CCDC90B: variants seen among roughly 807,000 people sequenced by gnomAD.
CCDC90B encodes the protein coiled-coil domain containing 90B.
Under a neutral mutation model 37.0 loss-of-function variants are expected in CCDC90B, and 24 were observed. The ratio of observed to expected loss-of-function variants is 0.65; its 90% CI spans 0.47 to 0.91. The LOEUF is 0.91. Among genes scored for constraint, CCDC90B ranks in the 40% least tolerant of loss-of-function variants. CCDC90B has a pLI of 0.00. For missense variants in CCDC90B, 319 were observed against 299.0 expected, an observed-to-expected ratio of 1.07 and a Z score of -0.49; for synonymous variants, 113 against 101.1, an observed-to-expected ratio of 1.12 and a Z score of -0.71.
At chr11:83,263,392 A>G (rs1485759549) in intron 8 of CCDC90B, among the ~76,000 whole-genome samples, 1 of 152,194 alleles carries the variant, frequency 6.6e-6, no homozygotes, top group East Asian at 1.9e-4. Context: ...AGTAACAACA[A>G]CAATTGGAGC....
At chr11:83,268,886 TA>T (rs200890592) in intron 7 of CCDC90B, among the ~76,000 whole-genome samples, 1,781 of 152,244 alleles carry the variant, frequency 0.012, 18 homozygotes, top group Middle Eastern at 0.031. Context: ...TCAGCAAATG[TA>T]AAAGAACAGA....
At chr11:83,270,018 C>T (rs189033933) in intron 7 of CCDC90B, among the ~76,000 whole-genome samples, 205 of 152,150 alleles carry the variant, frequency 1.3e-3, no homozygotes, top group Non-Finnish European at 2.4e-3. Flanking sequence ...AATCAATAAA[C>T]GTAATCCATC....
At chr11:83,278,381 T>C (rs929218082) in intron 3 of CCDC90B, among the ~76,000 whole-genome samples, 1 of 152,210 alleles carries the variant, frequency 6.6e-6, no homozygotes, top group Non-Finnish European at 1.5e-5. Context: ...AGCAATAAAA[T>C]ATACTGAATA....
chr11:83,286,158 A>C lies in CCDC90B; in HGVS notation c.-186T>G. 12 of 1,536,138 alleles carry C rather than the reference A, an allele frequency of 7.8e-6. No homozygotes were observed. Among genetic ancestry groups the C allele is most frequent in the Non-Finnish European group, 1.0e-5 (12 of 1,146,870 alleles). On this transcript the variant is annotated 5_prime_UTR_variant, in exon 1 of 9. Coordinates refer to ENST00000529689, the MANE Select transcript of CCDC90B (RefSeq NM_021825.5). ...ACTGGGTCTCTTCACAGACAGACCC[A>C]CAGTTCGCGAGCATGGCTCAGCGCT...
intron 3 of CCDC90B, 22 bp downstream of exon 3, chr11:83,278,704 G>C: frequency 7.1e-7 from 1 of 1,408,004 alleles, no homozygotes; most frequent in Non-Finnish European, 1.0e-6. Context: ...AGTATCAGAA[G>C]TGATAGTAAT....
At position 83,286,123 on chromosome 11, in the gene CCDC90B, G is replaced by T. The variant is rs1245368134; in HGVS notation, c.-151C>A. ...ACCTCCCAGCGCAGGCGCCACCGTG[G>T]TCCCACGAAACTGGGTCTCTTCACA... On this transcript the variant is annotated 5_prime_UTR_variant, in exon 1 of 9. Transcript: ENST00000529689. 2 of 1,536,326 alleles carry T rather than the reference G, an allele frequency of 1.3e-6. No homozygotes were observed. The highest frequency in any genetic ancestry group is 1.7e-6 in the Non-Finnish European group (2 of 1,146,914).
chr11:83,263,108 AACAC>A lies in CCDC90B; in HGVS notation c.710-1146_710-1143del, dbSNP rs543058664. ...GCCATTTTTTTTCTCTTAATAAAAA[AACAC>A]ACACACAAAATTTGTGATCCTTATT... On this transcript the variant is annotated intron_variant, in intron 8 of 8. Coordinates refer to ENST00000529689, the MANE Select transcript of CCDC90B (RefSeq NM_021825.5). 2.8e-3 allele frequency among the ~76,000 whole-genome samples: 422 copies of A among 152,304 alleles called. 2 individuals carry two copies. The highest frequency in any genetic ancestry group is 9.4e-3 in the African/African-American group (392 of 41,574).
intron 8 of CCDC90B, among the ~76,000 whole-genome samples, chr11:83,262,405 T>C (rs569524473): frequency 5.3e-5 from 8 of 152,276 alleles, no homozygotes; most frequent in East Asian, 1.9e-4. Flanking sequence ...TTTCTCATAA[T>C]TCTTAATAAA....
intron 3 of CCDC90B, among the ~76,000 whole-genome samples, chr11:83,276,629 C>T (rs1333377022): frequency 6.6e-5 from 10 of 152,160 alleles, no homozygotes; most frequent in Admixed American, 4.6e-4. Flanking sequence ...GGATTACAGG[C>T]GTGAGCCACC....
chr11:83,264,114 T>C (rs556658089), intron 8 of CCDC90B, among the ~76,000 whole-genome samples: 1 of 152,320 alleles, frequency 6.6e-6, no homozygotes, highest in Non-Finnish European at 1.5e-5. Context: ...GTATGTGTAT[T>C]TACTCAAACG....
At chr11:83,285,830 C>T (rs1865652308) in intron 1 of CCDC90B, 43 bp downstream of exon 1, 1 of 1,580,984 alleles carries the variant, frequency 6.3e-7, no homozygotes, top group Non-Finnish European at 8.6e-7. Context: ...CATCGTCTCC[C>T]TAGAGAGCAC....
At chr11:83,281,391 T>C (rs746490772) in intron 1 of CCDC90B, among the ~76,000 whole-genome samples, 5 of 152,152 alleles carry the variant, frequency 3.3e-5, no homozygotes, top group Admixed American at 6.5e-5. Context: ...CTCACTGATT[T>C]TATGGACTAG....
At chr11:83,276,231 A>G (rs1865018088) in intron 3 of CCDC90B, among the ~76,000 whole-genome samples, 1 of 152,168 alleles carries the variant, frequency 6.6e-6, no homozygotes, top group African/African-American at 2.4e-5. Flanking sequence ...TGCCCCAAAT[A>G]TCACTATAAA....
intron 7 of CCDC90B, chr11:83,273,422 CTA>C (rs962532841): frequency 1.4e-5 from 5 of 350,328 alleles, no homozygotes; most frequent in African/African-American, 2.1e-5. Flanking sequence ...AAAAAGCACA[CTA>C]TGTGGAAATC....
rs1310390109 is a variant in CCDC90B, at chr11:83,273,535, G to C, written c.594+112C>G. On this transcript the variant is annotated intron_variant, in intron 7 of 8. Coordinates refer to ENST00000529689, the MANE Select transcript of CCDC90B (RefSeq NM_021825.5). ...CTATAATAGCTATGAGGAAGCCAGAGACTCTACAAGGGTAGTTTTTAAAAG... is the reference window on the plus strand; with the variant it reads ...CTATAATAGCTATGAGGAAGCCAGACACTCTACAAGGGTAGTTTTTAAAAG... 3 of 737,782 alleles carry C rather than the reference G, an allele frequency of 4.1e-6. No homozygotes were observed. The East Asian group carries it at 8.5e-5, about 21-fold the overall frequency. The allele number at this position is 737,782 out of a possible 1,614,324, so 45.7% of individuals were successfully genotyped here.
chr11:83,278,829 C>T lies in CCDC90B; in HGVS notation c.221G>A (p.Gly74Glu). 1.2e-6 allele frequency: 2 copies of T among 1,602,782 alleles called. No homozygotes were observed. The highest frequency in any genetic ancestry group is 2.2e-5 in the South Asian group (2 of 90,750). ...TGTTTCTGCTTGTGTTTTGTCAAAT[C>T]CTGTAGGCAGCAAATAGGTATTTTA... ...HALVQDLETHGFDKTQAETIV... is the reference protein window; with the variant it reads ...HALVQDLETHEFDKTQAETIV... The change falls in exon 3 of 9, where the codon GGA becomes GAA. Residue 74 changes from glycine to glutamate, a missense_variant and splice_region_variant. Physicochemically the swap from Gly to Glu is moderately conservative, Grantham distance 98 (BLOSUM62 -2). Coordinates refer to ENST00000529689, the MANE Select transcript of CCDC90B (RefSeq NM_021825.5).
intron 1 of CCDC90B, among the ~76,000 whole-genome samples, chr11:83,283,245 G>T (rs1865497756): frequency 6.6e-6 from 1 of 152,212 alleles, no homozygotes; most frequent in Non-Finnish European, 1.5e-5. Flanking sequence ...TAATACAAAG[G>T]AGAAGCATTT....
rs996349897 is a variant in CCDC90B, at chr11:83,286,273, T to C, written c.-301A>G. ...TCTTGTCAGAGAACCTTCCGGCGCC[T>C]GTTTCCTGGCAGTGGGGCATAGTCC... On this transcript the variant is annotated 5_prime_UTR_variant, in exon 1 of 9. Coordinates refer to ENST00000529689, the MANE Select transcript of CCDC90B (RefSeq NM_021825.5). 8.4e-5 allele frequency: 114 copies of C among 1,349,928 alleles called. 1 individual carries two copies. In the South Asian group the frequency reaches 1.4e-3, roughly 17 times the overall value. The allele number at this position is 1,349,928 out of a possible 1,614,324, so 83.6% of individuals were successfully genotyped here.
At chr11:83,284,375 T>A in intron 1 of CCDC90B, among the ~76,000 whole-genome samples, 1 of 152,226 alleles carries the variant, frequency 6.6e-6, no homozygotes. Context: ...AAGCTGCAAG[T>A]TTTATATTAA....
Sources: gnomAD v4.1 joint callset for allele counts (sites outside exome capture counted in the v4.1 genomes callset) on GRCh38, gnomAD v4.1.1 for gene constraint, MANE v1.5 for transcripts, NCBI Gene and HGNC (gene_info 2026-07-23, HGNC 2026-07-21) for gene names.